Variants in PNLIPRP1 observed in about 807,000 individuals in gnomAD.
PNLIPRP1 encodes the protein inactive pancreatic lipase-related protein 1.
Under a neutral mutation model 54.6 loss-of-function variants are expected in PNLIPRP1, and 57 were observed. The observed-to-expected ratio is 1.04, with a 90% confidence interval of 0.84 to 1.30. PNLIPRP1 has a LOEUF of 1.30. Ranked by LOEUF, PNLIPRP1 falls within the 50% of genes most tolerant of loss-of-function variation. The probability of loss-of-function intolerance (pLI) is 0.00; values close to 1 mark genes in which losing one functional copy is unlikely to be tolerated. For missense variants in PNLIPRP1, 567 were observed against 568.5 expected, an observed-to-expected ratio of 1.00 and a Z score of 0.03; for synonymous variants, 232 against 208.8, an observed-to-expected ratio of 1.11 and a Z score of -0.96.
chr10:116,605,616 C>A, intron 12 of PNLIPRP1, 63 bp downstream of exon 12: 1 of 1,269,052 alleles, frequency 7.9e-7, no homozygotes, highest in Non-Finnish European at 1.1e-6. Context: ...TAATGAAAAC[C>A]CACCCTAGAA....
chr10:116,596,417 A>G, intron 6 of PNLIPRP1, 95 bp downstream of exon 6: 1 of 740,526 alleles, frequency 1.4e-6, no homozygotes, highest in Admixed American at 2.3e-5. Context: ...CCTGAAGGAG[A>G]CTGTCCCCCT....
At position 116,596,067 on chromosome 10, in the gene PNLIPRP1, C is replaced by T. The variant is rs74707631; in HGVS notation, c.466-147C>T. 4.2e-4 allele frequency: 277 copies of T among 661,226 alleles called. 2 individuals are homozygous for T. The African/African-American group carries it at 4.2e-3, about 10-fold the overall frequency. The allele number at this position is 661,226 out of a possible 1,614,324, so 41.0% of individuals were successfully genotyped here. On this transcript the variant is annotated intron_variant, in intron 5 of 12. Transcript: ENST00000358834. ...AAATAGATGATGAGTTAGGAAAGCT[C>T]GGAGGCCTTCAGAATGAGTTTGGGC...
At chr10:116,596,594 C>A (rs1847742244) in intron 6 of PNLIPRP1, among the ~76,000 whole-genome samples, 1 of 152,130 alleles carries the variant, frequency 6.6e-6, no homozygotes, top group African/African-American at 2.4e-5. Context: ...GTGGTGTTCG[C>A]CTCTCAACAG....
At chr10:116,592,571 G>A (rs373877723) in intron 4 of PNLIPRP1, 30 bp downstream of exon 4, 16 of 1,613,376 alleles carry the variant, frequency 9.9e-6, no homozygotes, top group Non-Finnish European at 1.0e-5. Flanking sequence ...CCTGTGGCCA[G>A]CTGAGGCCAA....
In PNLIPRP1 at chr10:116,594,869, G is replaced by A. The variant is rs1564736036; in HGVS notation, c.465+5G>A. The stretch of plus-strand genomic sequence containing the variant: ...CAGATGCTCGACATCCTCTTGGTGA[G>A]TCAGCTGGCTGGCCTATGTGAGGAG... On this transcript the variant is annotated splice_donor_5th_base_variant and intron_variant, in intron 5 of 12. Coordinates refer to ENST00000358834, the MANE Select transcript of PNLIPRP1 (RefSeq NM_006229.4). The A allele has an allele frequency of 6.2e-7, 1 of 1,613,796 alleles. No individual in the cohort carries two copies. The highest frequency in any genetic ancestry group is 8.5e-7 in the Non-Finnish European group (1 of 1,179,962).
Position 116,599,256 on chromosome 10 carries a change from G to T in PNLIPRP1, c.815-791G>T, listed in dbSNP as rs376564071. ...GGCAACAAGAGCGAAACTCCATCTCGAAAATAAAATAAAATAAAATAAAAT... is the reference window on the plus strand; with the variant it reads ...GGCAACAAGAGCGAAACTCCATCTCTAAAATAAAATAAAATAAAATAAAAT... On this transcript the variant is annotated intron_variant, in intron 8 of 12. Coordinates refer to ENST00000358834, the MANE Select transcript of PNLIPRP1 (RefSeq NM_006229.4). Among the ~76,000 whole-genome samples, 362 of 133,940 alleles carry T rather than the reference G, an allele frequency of 2.7e-3. 2 individuals carry two copies. Among genetic ancestry groups the T allele is most frequent in the African/African-American group, 9.9e-3 (350 of 35,496 alleles). 87.9% of individuals were successfully genotyped at this position (133,940 alleles called of 152,430 possible).
At chr10:116,597,802 T>C (rs1554864145) in intron 6 of PNLIPRP1, 26 bp from the exon 7 acceptor site, 1 of 1,614,046 alleles carries the variant, frequency 6.2e-7, no homozygotes, top group South Asian at 1.1e-5. Flanking sequence ...GGTCTATTGT[T>C]CTGCAGTGCT....
chr10:116,600,000 T>C (rs1011008589), intron 8 of PNLIPRP1, 47 bp from the exon 9 acceptor site: 2 of 1,222,376 alleles, frequency 1.6e-6, no homozygotes, highest in African/African-American at 1.5e-5. Flanking sequence ...GAGAAGCTGT[T>C]ACAGGCCCCC....
intron 12 of PNLIPRP1, among the ~76,000 whole-genome samples, chr10:116,606,191 A>G (rs1847934604): frequency 6.6e-6 from 1 of 152,082 alleles, no homozygotes; most frequent in Non-Finnish European, 1.5e-5. Context: ...GCTCTCAGCC[A>G]CCGATGTTCT....
In PNLIPRP1 at chr10:116,601,117, C is replaced by A; in HGVS notation, c.979C>A (p.His327Asn). 6.2e-7 allele frequency: 1 copy of A among 1,613,902 alleles called. No individual in the cohort carries two copies. The highest frequency in any genetic ancestry group is 8.5e-7 in the Non-Finnish European group (1 of 1,179,834). Residue 327 changes from histidine to asparagine, a missense_variant, in exon 10 of 13, where the codon CAC becomes AAC. Transcript: ENST00000358834. ...CPDQGCPQMG[H>N]YADKFAGRTS... ...AGATCAAGGATGCCCACAGATGGGT[C>A]ACTATGCTGATAAATTTGCTGGCAG... is the stretch of plus-strand genomic sequence containing the variant.
intron 12 of PNLIPRP1, 113 bp from the exon 13 acceptor site, chr10:116,608,940 G>A: frequency 1.2e-6 from 1 of 821,530 alleles, no homozygotes; most frequent in South Asian, 1.4e-5. Flanking sequence ...CTGTGACCTG[G>A]GCTTAACCCC....
At chr10:116,596,134 G>A in intron 5 of PNLIPRP1, 80 bp from the exon 6 acceptor site, 1 of 924,642 alleles carries the variant, frequency 1.1e-6, no homozygotes, top group Non-Finnish European at 1.7e-6. Flanking sequence ...GTTTTCAGCA[G>A]AGGAGTAATA....
chr10:116,591,189 C>T lies in PNLIPRP1; in HGVS notation c.49+11C>T. 1.9e-6 allele frequency: 3 copies of T among 1,608,740 alleles called. No homozygotes were observed. The highest frequency in any genetic ancestry group is 2.6e-6 in the Non-Finnish European group (3 of 1,175,698). ...TGGGAGCAGCCAAAGGTAAGAAACA[C>T]CACTCCTGCCCCGTAGGAAGGGCTT... On this transcript the variant is annotated intron_variant, in intron 2 of 12. Coordinates refer to ENST00000358834, the MANE Select transcript of PNLIPRP1 (RefSeq NM_006229.4).
chr10:116,605,908 T>A (rs1554865532), intron 12 of PNLIPRP1, among the ~76,000 whole-genome samples: 1 of 152,194 alleles, frequency 6.6e-6, no homozygotes. Flanking sequence ...CAATTACATT[T>A]CAGGATAATA....
chr10:116,592,249 C>A, intron 3 of PNLIPRP1, 167 bp from the exon 4 acceptor site: 1 of 743,984 alleles, frequency 1.3e-6, no homozygotes, highest in East Asian at 2.6e-5. Context: ...GATTACTCAC[C>A]TGGAGAGATG....
In PNLIPRP1 at chr10:116,592,413, C is replaced by T. The variant is rs371568862; in HGVS notation, c.205-3C>T. 1 of 1,598,232 alleles carries T rather than the reference C, an allele frequency of 6.3e-7. No homozygotes were observed. Among genetic ancestry groups the T allele is most frequent in the Non-Finnish European group, 8.5e-7 (1 of 1,169,954 alleles). ...ACATGAAGCACTTCTGCGTCTGTCA[C>T]AGATTCTCCTCCTCTCTGATCCATC... On this transcript the variant is annotated splice_region_variant and splice_polypyrimidine_tract_variant and intron_variant, in intron 3 of 12. Transcript: ENST00000358834.
intron 8 of PNLIPRP1, among the ~76,000 whole-genome samples, chr10:116,598,384 T>C (rs1554864292): frequency 6.6e-6 from 1 of 152,250 alleles, no homozygotes; most frequent in African/African-American, 2.4e-5. Context: ...GTGGATGTCC[T>C]GGCATGTACA....
intron 4 of PNLIPRP1, chr10:116,593,226 T>C (rs1847672303): frequency 1.3e-5 from 2 of 154,970 alleles, no homozygotes; most frequent in African/African-American, 2.4e-5. Context: ...ATAGAAAGTG[T>C]CACCTACATG....
Position 116,591,192 on chromosome 10 carries a change from C to T in PNLIPRP1, c.49+14C>T. 1 of 1,608,400 alleles carries T rather than the reference C, an allele frequency of 6.2e-7. No individual in the cohort carries two copies. Among genetic ancestry groups the T allele is most frequent in the Non-Finnish European group, 8.5e-7 (1 of 1,175,414 alleles). ...GAGCAGCCAAAGGTAAGAAACACCACTCCTGCCCCGTAGGAAGGGCTTAAA... is the reference window on the plus strand; with the variant it reads ...GAGCAGCCAAAGGTAAGAAACACCATTCCTGCCCCGTAGGAAGGGCTTAAA... On this transcript the variant is annotated intron_variant, in intron 2 of 12. Transcript: ENST00000358834.
Sources: gnomAD v4.1 joint callset for allele counts (sites outside exome capture counted in the v4.1 genomes callset) on GRCh38, gnomAD v4.1.1 for gene constraint, MANE v1.5 for transcripts, NCBI Gene and HGNC (gene_info 2026-07-23, HGNC 2026-07-21) for gene names.